SAMD12: variants seen among roughly 807,000 people sequenced by gnomAD.
The protein encoded by SAMD12 is sterile alpha motif domain-containing protein 12.
In SAMD12, 9 loss-of-function variants were observed where a neutral mutation model predicts 15.0. The observed-to-expected ratio is 0.60, with a 90% confidence interval of 0.36 to 1.05. The LOEUF is 1.05. SAMD12 is among the 50% of genes least tolerant of loss of function. The pLI, the probability that SAMD12 is intolerant of heterozygous loss-of-function variation, is 0.01. For synonymous variants in SAMD12, 86 were observed against 90.1 expected, an observed-to-expected ratio of 0.96 and a Z score of 0.25; for missense variants, 230 against 234.2, an observed-to-expected ratio of 0.98 and a Z score of 0.12.
At chr8:118,492,001 G>A (rs556151691) in intron 2 of SAMD12, among the ~76,000 whole-genome samples, 1 of 152,084 alleles carries the variant, frequency 6.6e-6, no homozygotes, top group East Asian at 1.9e-4. Flanking sequence ...TATAAAGTTT[G>A]ATTTACTGTG....
At chr8:118,237,389 A>G (rs1018643406) in intron 4 of SAMD12, among the ~76,000 whole-genome samples, 1 of 152,194 alleles carries the variant, frequency 6.6e-6, no homozygotes, top group South Asian at 2.1e-4. Flanking sequence ...TGACTACTGC[A>G]ACTATTTTAA....
chr8:118,568,471 G>A (rs996652749), intron 2 of SAMD12, among the ~76,000 whole-genome samples: 1 of 152,174 alleles, frequency 6.6e-6, no homozygotes, highest in African/African-American at 2.4e-5. Flanking sequence ...GAGCAGAAGA[G>A]GGACATGATC....
At chr8:118,306,064 G>A (rs1299376653) in intron 4 of SAMD12, among the ~76,000 whole-genome samples, 1 of 152,160 alleles carries the variant, frequency 6.6e-6, no homozygotes, top group African/African-American at 2.4e-5. Flanking sequence ...CAGCTTCAGG[G>A]AAGGTAGAAA....
intron 2 of SAMD12, among the ~76,000 whole-genome samples, chr8:118,572,681 C>T (rs1586828376): frequency 1.3e-5 from 2 of 152,276 alleles, no homozygotes; most frequent in South Asian, 4.2e-4. Context: ...TCTTTGCCTT[C>T]CACCATGATT....
chr8:118,334,752 T>C (rs942208840), intron 4 of SAMD12, among the ~76,000 whole-genome samples: 3 of 152,058 alleles, frequency 2.0e-5, no homozygotes, highest in African/African-American at 4.8e-5. Flanking sequence ...TGCACCACCA[T>C]ACCCGGCTAA....
chr8:118,277,605 A>G (rs1187980304), intron 4 of SAMD12, among the ~76,000 whole-genome samples: 1 of 152,002 alleles, frequency 6.6e-6, no homozygotes, highest in Non-Finnish European at 1.5e-5. Flanking sequence ...AAGAAAGCAG[A>G]ATTCTACTCT....
intron 1 of SAMD12, among the ~76,000 whole-genome samples, chr8:118,587,422 A>C (rs1748457793): frequency 6.6e-6 from 1 of 152,236 alleles, no homozygotes; most frequent in Admixed American, 6.5e-5. Flanking sequence ...TGGGCTACAC[A>C]TTCTCAACAC....
intron 4 of SAMD12, among the ~76,000 whole-genome samples, chr8:118,320,838 A>ATATAT (rs779268963): frequency 0.091 from 12,407 of 136,080 alleles, 679 homozygotes; most frequent in Non-Finnish European, 0.11. Flanking sequence ...TATATATATA[A>ATATAT]AAATCTATAA....
chr8:118,306,195 G>A (rs1372913663), intron 4 of SAMD12, among the ~76,000 whole-genome samples: 1 of 152,120 alleles, frequency 6.6e-6, no homozygotes, highest in East Asian at 1.9e-4. Context: ...ACTTGGAGTG[G>A]CATCTGTGTT....
chr8:118,267,411 A>T (rs1813230498), intron 4 of SAMD12, among the ~76,000 whole-genome samples: 1 of 152,226 alleles, frequency 6.6e-6, no homozygotes, highest in Middle Eastern at 3.4e-3. Flanking sequence ...AAACCTGTTT[A>T]AAAAAATGCT....
chr8:118,145,304 C>A, the SAMD12 span, among the ~76,000 whole-genome samples: 4 of 152,110 alleles, frequency 2.6e-5, no homozygotes, highest in Non-Finnish European at 4.4e-5. Context: ...GAAAAATGCT[C>A]AATTATGTCA....
intron 2 of SAMD12, among the ~76,000 whole-genome samples, chr8:118,577,595 G>C (rs567738247): frequency 6.6e-6 from 1 of 152,308 alleles, no homozygotes; most frequent in Non-Finnish European, 1.5e-5. Context: ...TTCCCAGTGA[G>C]AAGTCTGCAT....
chr8:118,329,088 G>T (rs1390136117), intron 4 of SAMD12, among the ~76,000 whole-genome samples: 1 of 152,120 alleles, frequency 6.6e-6, no homozygotes, highest in African/African-American at 2.4e-5. Context: ...ACAGTTGTTT[G>T]CTAAAGATTA....
At chr8:118,374,275 G>A (rs564395927), downstream of SAMD12, among the ~76,000 whole-genome samples, 1 of 152,144 alleles carries the variant, frequency 6.6e-6, no homozygotes, top group East Asian at 1.9e-4. Context: ...TGTTTAGCAC[G>A]ATGTCTTTGA....
intron 1 of SAMD12, among the ~76,000 whole-genome samples, chr8:118,604,692 C>A (rs867754959): frequency 6.6e-6 from 1 of 152,056 alleles, no homozygotes; most frequent in East Asian, 1.9e-4. Context: ...GAGGCTGAGG[C>A]GGGCGGATGA....
In SAMD12 at chr8:118,350,614, G is replaced by A. The variant is rs530680960; in HGVS notation, c.433+28946C>T. ...ATTACTAATACTCATTTAAAGGTCT[G>A]TTTGACAACCACAGTGCCTAGGATT... On this transcript the variant is annotated intron_variant, in intron 4 of 4. Transcript: ENST00000409003. 3.7e-4 allele frequency among the ~76,000 whole-genome samples: 56 copies of A among 152,308 alleles called. 1 individual carries two copies. The South Asian group carries it at 1.0e-2, about 27-fold the overall frequency.
chr8:118,363,404 CA>C (rs1465425373), intron 4 of SAMD12, among the ~76,000 whole-genome samples: 1 of 152,172 alleles, frequency 6.6e-6, no homozygotes, highest in African/African-American at 2.4e-5. Flanking sequence ...CTGAATAAAA[CA>C]AAAAGGCTGG....
chr8:118,572,910 T>C (rs1827056814), intron 2 of SAMD12, among the ~76,000 whole-genome samples: 1 of 152,114 alleles, frequency 6.6e-6, no homozygotes, highest in Non-Finnish European at 1.5e-5. Flanking sequence ...AATTGAATCA[T>C]GGGGGCTGCT....
At chr8:118,433,894 T>C (rs1822496218) in intron 3 of SAMD12, among the ~76,000 whole-genome samples, 1 of 152,250 alleles carries the variant, frequency 6.6e-6, no homozygotes, top group African/African-American at 2.4e-5. Flanking sequence ...TGGATTCTAC[T>C]AAGTAGTATT....
Sources: allele counts gnomAD v4.1 joint callset (sites outside exome capture counted in the v4.1 genomes callset), GRCh38; gene constraint gnomAD v4.1.1; transcripts MANE v1.5; gene names NCBI Gene and HGNC (gene_info 2026-07-23, HGNC 2026-07-21).